The following CTNNA3 variants were observed in gnomAD, a reference collection of about 807,000 sequenced individuals.
CTNNA3 encodes catenin alpha-3.
A neutral mutation model predicts 95.7 loss-of-function variants in CTNNA3; 76 were observed. The ratio of observed to expected loss-of-function variants is 0.79; its 90% CI spans 0.66 to 0.96. The LOEUF (loss-of-function observed/expected upper bound fraction) is 0.96. Among genes scored for constraint, CTNNA3 ranks in the 40% least tolerant of loss-of-function variants. The pLI, the probability that CTNNA3 is intolerant of heterozygous loss-of-function variation, is 0.00. For missense variants in CTNNA3, 1,191 were observed against 1,089.8 expected (o/e 1.09, Z -1.31); for synonymous variants, 431 against 374.4 (o/e 1.15, Z -1.74).
At chr10:67,374,635 G>A (rs1047611051) in intron 5 of CTNNA3, among the ~76,000 whole-genome samples, 21 of 151,968 alleles carry the variant, frequency 1.4e-4, no homozygotes, top group African/African-American at 4.8e-4. Flanking sequence ...TACATATTAG[G>A]TGTATATATT....
intron 13 of CTNNA3, among the ~76,000 whole-genome samples, chr10:66,168,457 G>GT (rs890189549): frequency 2.2e-4 from 34 of 151,968 alleles, no homozygotes; most frequent in African/African-American, 8.0e-4. Context: ...TCGTTCAGTG[G>GT]TTTTTTTCTG....
intron 13 of CTNNA3, among the ~76,000 whole-genome samples, chr10:66,157,490 T>C (rs868689999): frequency 2.2e-5 from 2 of 91,722 alleles, no homozygotes; most frequent in South Asian, 8.2e-4. Flanking sequence ...TAGATAGATA[T>C]GTAGATAGAT....
At chr10:67,056,875 A>G (rs150768649) in intron 7 of CTNNA3, among the ~76,000 whole-genome samples, 1 of 152,298 alleles carries the variant, frequency 6.6e-6, no homozygotes, top group African/African-American at 2.4e-5. Context: ...GGTTACATCA[A>G]TATCAAGTGA....
intron 17 of CTNNA3, among the ~76,000 whole-genome samples, chr10:65,960,816 C>A (rs1269604008): frequency 6.6e-6 from 1 of 152,116 alleles, no homozygotes; most frequent in African/African-American, 2.4e-5. Context: ...ATAATGGTCT[C>A]CAGCTGCATT....
chr10:66,392,294 G>A (rs1190611184), intron 11 of CTNNA3, among the ~76,000 whole-genome samples: 1 of 152,066 alleles, frequency 6.6e-6, no homozygotes, highest in African/African-American at 2.4e-5. Flanking sequence ...GCCAGGAGTG[G>A]TGGTCCACAC....
At chr10:66,203,740 A>G (rs1307229659) in intron 13 of CTNNA3, among the ~76,000 whole-genome samples, 1 of 152,148 alleles carries the variant, frequency 6.6e-6, no homozygotes, top group Non-Finnish European at 1.5e-5. Context: ...TAGGGTTACC[A>G]AGCAAAATAC....
At chr10:66,206,440 T>A (rs1413232284) in intron 13 of CTNNA3, among the ~76,000 whole-genome samples, 2 of 151,914 alleles carry the variant, frequency 1.3e-5, no homozygotes, top group Non-Finnish European at 2.9e-5. Flanking sequence ...TGAAATAAAT[T>A]TTCCAGTGAT....
chr10:66,302,031 A>G (rs1363940584), intron 12 of CTNNA3, among the ~76,000 whole-genome samples: 2 of 152,108 alleles, frequency 1.3e-5, no homozygotes, highest in Non-Finnish European at 2.9e-5. Context: ...ACCAGCAATG[A>G]AAAACTAAAA....
intron 11 of CTNNA3, among the ~76,000 whole-genome samples, chr10:66,388,488 G>A (rs1295022401): frequency 2.0e-5 from 3 of 152,138 alleles, no homozygotes; most frequent in South Asian, 2.1e-4. Context: ...TTAAAGCAGT[G>A]AATAAAAATA....
intron 7 of CTNNA3, chr10:67,099,375 G>A (rs891630265): frequency 3.3e-5 from 5 of 151,356 alleles, no homozygotes; most frequent in African/African-American, 9.7e-5. Flanking sequence ...TGCACTAGAA[G>A]TGCTTTTTAT....
chr10:67,580,622 G>T (rs1440052680), intron 3 of CTNNA3, among the ~76,000 whole-genome samples: 1 of 150,472 alleles, frequency 6.6e-6, no homozygotes, highest in African/African-American at 2.5e-5. Flanking sequence ...GATGGGGATG[G>T]CATTGAATCT....
At chr10:66,608,445 A>G (rs1414770857) in intron 10 of CTNNA3, among the ~76,000 whole-genome samples, 1 of 152,156 alleles carries the variant, frequency 6.6e-6, no homozygotes, top group Non-Finnish European at 1.5e-5. Flanking sequence ...TATAAAAAAA[A>G]CTATTTTAAA....
chr10:66,606,479 A>G (rs79472182), intron 10 of CTNNA3, among the ~76,000 whole-genome samples: 3,405 of 152,250 alleles, frequency 0.022, 151 homozygotes, highest in African/African-American at 0.077. Flanking sequence ...TCTCATCACC[A>G]CATGGCACAT....
intron 12 of CTNNA3, among the ~76,000 whole-genome samples, chr10:66,333,642 C>T (rs1173354770): frequency 6.6e-6 from 1 of 151,910 alleles, no homozygotes; most frequent in Non-Finnish European, 1.5e-5. Context: ...GAGTGCTTTA[C>T]TTCCAACTAT....
chr10:67,084,017 G>A (rs1268496351), intron 7 of CTNNA3, among the ~76,000 whole-genome samples: 1 of 152,120 alleles, frequency 6.6e-6, no homozygotes, highest in Non-Finnish European at 1.5e-5. Flanking sequence ...TCAAGGAAGA[G>A]GTTCGTTGCT....
chr10:66,846,724 T>C (rs1289601374), intron 7 of CTNNA3, among the ~76,000 whole-genome samples: 1 of 152,176 alleles, frequency 6.6e-6, no homozygotes, highest in Non-Finnish European at 1.5e-5. Context: ...AATTTTACCT[T>C]GTAGCTTCCT....
chr10:67,691,461 G>A (rs541413475), intron 1 of CTNNA3, among the ~76,000 whole-genome samples: 2,489 of 151,604 alleles, frequency 0.016, 68 homozygotes, highest in African/African-American at 0.057. Context: ...GCCTCTTCCC[G>A]GCCACCATCA....
At chr10:67,525,151 A>T (rs1478668082) in intron 4 of CTNNA3, among the ~76,000 whole-genome samples, 2 of 124,422 alleles carry the variant, frequency 1.6e-5, no homozygotes, top group Non-Finnish European at 3.1e-5. Context: ...CCTTGAATTT[A>T]TCCTGTGTTT....
chr10:66,479,555 T>C (rs1481274618), intron 11 of CTNNA3, among the ~76,000 whole-genome samples: 1 of 152,056 alleles, frequency 6.6e-6, no homozygotes, highest in Non-Finnish European at 1.5e-5. Flanking sequence ...AGCCCATTTA[T>C]TTTTTAAATG....
Sources: gnomAD v4.1 joint callset for allele counts (sites outside exome capture counted in the v4.1 genomes callset) on GRCh38, gnomAD v4.1.1 for gene constraint, MANE v1.5 for transcripts, NCBI Gene and HGNC (gene_info 2026-07-23, HGNC 2026-07-21) for gene names.